The following SAFB variants were observed in gnomAD, a reference collection of about 807,000 sequenced individuals.
SAFB encodes scaffold attachment factor B1.
A neutral mutation model predicts 101.6 loss-of-function variants in SAFB; 15 were observed. The observed-to-expected ratio is 0.15, with a 90% CI of 0.10 to 0.23. SAFB has a LOEUF of 0.23. SAFB is among the 10% of genes least tolerant of loss of function. The pLI, the probability that SAFB is intolerant of heterozygous loss-of-function variation, is 1.00. For missense variants in SAFB, 930 were observed against 1,104.1 expected, an observed-to-expected ratio of 0.84 and a Z score of 2.23; for synonymous variants, 449 against 407.5, an observed-to-expected ratio of 1.10 and a Z score of -1.23.
intron 15 of SAFB, 38 bp downstream of exon 15, chr19:5,661,846 A>G: frequency 1.4e-6 from 2 of 1,413,270 alleles, no homozygotes; most frequent in South Asian, 1.4e-5. Flanking sequence ...CGTGGCGTTC[A>G]GAATCGTGTT....
chr19:5,623,676 C>T (rs988166470), intron 1 of SAFB, among the ~76,000 whole-genome samples: 1 of 152,100 alleles, frequency 6.6e-6, no homozygotes, highest in Non-Finnish European at 1.5e-5. Context: ...GAGGAGGGTT[C>T]TCCCCTCGTC....
At position 5,667,783 on chromosome 19, in the gene SAFB, C is replaced by G. The variant is rs750538893; in HGVS notation, c.2558-37C>G. On this transcript the variant is annotated intron_variant, in intron 19 of 20. Transcript: ENST00000588852. The surrounding 1 kb of genome is among the most constrained non-coding windows in gnomAD (Gnocchi z 4.0). The stretch of plus-strand genomic sequence containing the variant: ...TGTGCCGTGGGTTCCACGCCGTGTG[C>G]GCAAGTTCCCTGTGTGAAAGCACGT... 6.2e-7 allele frequency: 1 copy of G among 1,609,810 alleles called. No homozygotes were observed. Among genetic ancestry groups the G allele is most frequent in the Admixed American group, 1.7e-5 (1 of 59,962 alleles).
At chr19:5,664,556 A>G (rs909090910) in intron 17 of SAFB, 117 bp downstream of exon 17, 2 of 803,588 alleles carry the variant, frequency 2.5e-6, no homozygotes, top group Non-Finnish European at 4.2e-6. Flanking sequence ...GGAAAGAGAA[A>G]AGTAAAGCAC....
Position 5,648,105 on chromosome 19 carries a change from C to G in SAFB, c.637+62C>G, listed in dbSNP as rs2053863477. On this transcript the variant is annotated intron_variant, in intron 6 of 20. Transcript: ENST00000588852. The stretch of plus-strand genomic sequence containing the variant: ...GAACCATTCTAGTTTTCCACCTTCT[C>G]TAATTTGAATTCTTTGATTTTTAAA... The G allele has an allele frequency of 2.9e-6, 4 of 1,356,036 alleles. No individual in the cohort carries two copies. In the Admixed American group the frequency reaches 5.9e-5, roughly 20 times the overall value. The allele number at this position is 1,356,036 out of a possible 1,614,324, so 84.0% of individuals were successfully genotyped here. A position where few individuals can be genotyped will look rare whatever the true frequency, so the allele number is the denominator to read the frequency against.
At chr19:5,628,381 C>T (rs1412634154) in intron 2 of SAFB, among the ~76,000 whole-genome samples, 2 of 152,128 alleles carry the variant, frequency 1.3e-5, no homozygotes, top group Admixed American at 1.3e-4. Flanking sequence ...TATTTTCGTA[C>T]GCATAATGAG....
Position 5,657,929 on chromosome 19 carries a change from A to T in SAFB, c.1862+582A>T, listed in dbSNP as rs577389154. Among the ~76,000 whole-genome samples, 28 of 152,326 alleles carry T rather than the reference A, an allele frequency of 1.8e-4. 1 individual carries two copies. In the South Asian group the frequency reaches 5.4e-3, roughly 29 times the overall value. On this transcript the variant is annotated intron_variant, in intron 14 of 20. Transcript: ENST00000588852. ...GCGTCAGTAGTGCTCGTCAACAAAAAATACCAAATTTGCTCCAGAAGATGT... is the reference window on the plus strand; with the variant it reads ...GCGTCAGTAGTGCTCGTCAACAAAATATACCAAATTTGCTCCAGAAGATGT...
Position 5,667,772 on chromosome 19 carries a change from C to A in SAFB, c.2558-48C>A, listed in dbSNP as rs1296269434. 1 of 1,597,966 alleles carries A rather than the reference C, an allele frequency of 6.3e-7. No homozygotes were observed. Among genetic ancestry groups the A allele is most frequent in the Non-Finnish European group, 8.6e-7 (1 of 1,165,900 alleles). On this transcript the variant is annotated intron_variant, in intron 19 of 20. Coordinates refer to ENST00000588852, the MANE Select transcript of SAFB (RefSeq NM_001201338.2). This position sits in a 1 kb window ranked among gnomAD's most constrained non-coding sequence, Gnocchi z 4.0. ...AGTGGGCTAAATGTGCCGTGGGTTC[C>A]ACGCCGTGTGCGCAAGTTCCCTGTG...
At chr19:5,632,176 T>G (rs2053503804) in intron 2 of SAFB, among the ~76,000 whole-genome samples, 1 of 152,238 alleles carries the variant, frequency 6.6e-6, no homozygotes, top group Non-Finnish European at 1.5e-5. Context: ...GCCTGTTTGC[T>G]TGGTTAAGTA....
chr19:5,623,089 G>A lies in SAFB; in HGVS notation c.-117G>A. 1 of 1,094,700 alleles carries A rather than the reference G, an allele frequency of 9.1e-7. No homozygotes were observed. Among genetic ancestry groups the A allele is most frequent in the Non-Finnish European group, 1.3e-6 (1 of 756,670 alleles). 67.8% of individuals were successfully genotyped at this position (1,094,700 alleles called of 1,614,324 possible). A position where few individuals can be genotyped will look rare whatever the true frequency, so the allele number is the denominator to read the frequency against. ...ACGCTTGGTGCGCCTGCGCAGAAGC[G>A]AGGCGCGCTGGGGCGACTGGAGCGG... On this transcript the variant is annotated 5_prime_UTR_variant, in exon 1 of 21. Transcript: ENST00000588852.
At chr19:5,623,734 C>G (rs1488032484) in intron 1 of SAFB, among the ~76,000 whole-genome samples, 2 of 151,920 alleles carry the variant, frequency 1.3e-5, no homozygotes, top group Non-Finnish European at 2.9e-5. Context: ...ACCCTCACTT[C>G]CCAGGCGAGG....
chr19:5,641,479 G>C, intron 2 of SAFB, 115 bp from the exon 3 acceptor site: 1 of 810,558 alleles, frequency 1.2e-6, no homozygotes, highest in Non-Finnish European at 2.1e-6. Context: ...GTGTTCCTAA[G>C]TAGTGAGGTG....
chr19:5,649,316 G>A lies in SAFB; in HGVS notation c.965G>A (p.Ser322Asn). 3 of 367,752 alleles carry A rather than the reference G, an allele frequency of 8.2e-6. No homozygotes were observed. The highest frequency in any genetic ancestry group is 1.3e-5 in the Non-Finnish European group (3 of 224,408). The allele number at this position is 367,752 out of a possible 1,614,324, so 22.8% of individuals were successfully genotyped here. The change falls in exon 7 of 21, where the codon AGT becomes AAT. Residue 322 changes from serine to asparagine, a missense_variant. Coordinates refer to ENST00000588852, the MANE Select transcript of SAFB (RefSeq NM_001201338.2). ...VGLEPAVEQS[S>N]AASELAEASS... Reference sequence around the variant, plus strand: ...CTAGAGCCGGCAGTTGAGCAGAGTAGTGCGGCCTCCGAGCTCGCGGAGGCC... The same window carrying A: ...CTAGAGCCGGCAGTTGAGCAGAGTAATGCGGCCTCCGAGCTCGCGGAGGCC...
At chr19:5,662,474 A>G (rs1568280387) in intron 15 of SAFB, among the ~76,000 whole-genome samples, 1 of 151,458 alleles carries the variant, frequency 6.6e-6, no homozygotes, top group East Asian at 2.0e-4. Context: ...AGCCTGGGCA[A>G]TAGAGTGAGA....
chr19:5,650,504 C>T (rs951195183), intron 8 of SAFB, among the ~76,000 whole-genome samples: 8 of 152,122 alleles, frequency 5.3e-5, no homozygotes, highest in Admixed American at 1.3e-4. Flanking sequence ...CTCTGACTCC[C>T]GGGTTCTAGA....
rs1158263043 is a variant in SAFB, at chr19:5,645,384, C to A, written c.594C>A (p.Asp198Glu). 1.5e-6 allele frequency: 2 copies of A among 1,374,236 alleles called. No homozygotes were observed. The highest frequency in any genetic ancestry group is 2.1e-6 in the Non-Finnish European group (2 of 962,666). 85.1% of individuals were successfully genotyped at this position (1,374,236 alleles called of 1,614,324 possible). A position where few individuals can be genotyped will look rare whatever the true frequency, so the allele number is the denominator to read the frequency against. ...ACAATTTAGATACTTCATCATCTGACTTCACTATATTACAGGTAAACTGTT... is the reference window on the plus strand; with the variant it reads ...ACAATTTAGATACTTCATCATCTGAATTCACTATATTACAGGTAAACTGTT... ...TINNLDTSSS[D>E]FTILQEIEEP... The change falls in exon 5 of 21, where the codon GAC becomes GAA. Residue 198 changes from aspartate (D) to glutamate (E), a missense_variant. Physicochemically the swap from Asp to Glu is conservative, Grantham distance 45. Around this residue, in one of 7 missense-constraint regions of SAFB, gnomAD observed 130 missense variants for 114.2 expected, o/e 1.14. Coordinates refer to ENST00000588852, the MANE Select transcript of SAFB (RefSeq NM_001201338.2).
rs546768495 is a variant in SAFB, at chr19:5,656,932, G to A, written c.1756-309G>A. Among the ~76,000 whole-genome samples, 7 of 151,930 alleles carry A rather than the reference G, an allele frequency of 4.6e-5. No individual in the cohort carries two copies. In the South Asian group the frequency reaches 8.3e-4, roughly 18 times the overall value. ...ACTACAAGCTCCCACCACTATGCCCGGCTAATTTTTTTGTATTTTTAGTAG... is the reference window on the plus strand; with the variant it reads ...ACTACAAGCTCCCACCACTATGCCCAGCTAATTTTTTTGTATTTTTAGTAG... On this transcript the variant is annotated intron_variant, in intron 13 of 20. Coordinates refer to ENST00000588852, the MANE Select transcript of SAFB (RefSeq NM_001201338.2).
intron 12 of SAFB, 70 bp downstream of exon 12, chr19:5,654,270 G>T (rs888947381): frequency 1.3e-5 from 21 of 1,602,616 alleles, no homozygotes; most frequent in Non-Finnish European, 1.8e-5. Context: ...AGTTTGCTGT[G>T]ATTAGCTGGC....
intron 9 of SAFB, among the ~76,000 whole-genome samples, chr19:5,651,476 T>A (rs1267848935): frequency 6.6e-6 from 1 of 152,212 alleles, no homozygotes; most frequent in African/African-American, 2.4e-5. Flanking sequence ...TGGAGTCTGA[T>A]GATAGGGGTC....
chr19:5,642,925 C>G (rs2053753987), intron 4 of SAFB, among the ~76,000 whole-genome samples: 1 of 151,960 alleles, frequency 6.6e-6, no homozygotes, highest in Non-Finnish European at 1.5e-5. Flanking sequence ...CCTCAGACTC[C>G]CAAAGTGCTG....
Sources: allele counts gnomAD v4.1 joint callset (sites outside exome capture counted in the v4.1 genomes callset), GRCh38; gene constraint gnomAD v4.1.1; regional missense constraint gnomAD v4.1.1; non-coding constraint Gnocchi (gnomAD v3.1); transcripts MANE v1.5; gene names NCBI Gene and HGNC (gene_info 2026-07-23, HGNC 2026-07-21).